The following CEP85 variants were observed in gnomAD, a reference collection of about 807,000 sequenced individuals.
CEP85 encodes centrosomal protein of 85 kDa.
Under a neutral mutation model 93.7 loss-of-function variants are expected in CEP85, and 58 were observed. The observed-to-expected ratio is 0.62, with a 90% CI of 0.50 to 0.77. The LOEUF (loss-of-function observed/expected upper bound fraction) is 0.77. Among genes scored for constraint, CEP85 ranks in the 30% least tolerant of loss-of-function variants. The probability of loss-of-function intolerance (pLI) is 0.00; values close to 1 mark genes in which losing one functional copy is unlikely to be tolerated. For missense variants in CEP85, 868 were observed against 922.0 expected, an observed-to-expected ratio of 0.94 and a Z score of 0.76; for synonymous variants, 314 against 338.6, an observed-to-expected ratio of 0.93 and a Z score of 0.80.
intron 2 of CEP85, among the ~76,000 whole-genome samples, chr1:26,241,154 GT>G (rs1340288401): frequency 1.3e-5 from 2 of 150,954 alleles, no homozygotes; most frequent in Non-Finnish European, 2.9e-5. Flanking sequence ...TTTGGTAAAT[GT>G]TTGGTGTATT....
intron 7 of CEP85, among the ~76,000 whole-genome samples, chr1:26,260,145 G>A (rs1478577867): frequency 6.6e-6 from 1 of 152,148 alleles, no homozygotes; most frequent in Non-Finnish European, 1.5e-5. Flanking sequence ...TACACCTGTG[G>A]TATATTTGTA....
At chr1:26,241,335 C>T (rs1419719710) in intron 2 of CEP85, among the ~76,000 whole-genome samples, 1 of 147,684 alleles carries the variant, frequency 6.8e-6, no homozygotes, top group African/African-American at 2.5e-5. Flanking sequence ...CTCCGCTTCC[C>T]GGGTTCATGC....
chr1:26,274,048 G>C (rs1197459983), intron 11 of CEP85, among the ~76,000 whole-genome samples: 4 of 150,490 alleles, frequency 2.7e-5, no homozygotes, highest in Admixed American at 2.0e-4. Flanking sequence ...AATACCAAAT[G>C]AGAAATATAA....
At chr1:26,264,648 A>G (rs1351001579) in intron 7 of CEP85, among the ~76,000 whole-genome samples, 1 of 152,208 alleles carries the variant, frequency 6.6e-6, no homozygotes, top group Non-Finnish European at 1.5e-5. Context: ...TCACTTGGGA[A>G]TGCTCAAATG....
chr1:26,249,386 A>G (rs190949454), intron 3 of CEP85, among the ~76,000 whole-genome samples: 65 of 152,326 alleles, frequency 4.3e-4, no homozygotes, highest in African/African-American at 1.4e-3. Context: ...CTGGCCTCTA[A>G]TCTTAACTCT....
chr1:26,256,923 GTTTTGGTGTGTGTGTGT>G (rs1467896357), intron 4 of CEP85, among the ~76,000 whole-genome samples: 1 of 130,050 alleles, frequency 7.7e-6, no homozygotes, highest in African/African-American at 2.8e-5. Flanking sequence ...GTTTTGTTTT[GTTTTGGTGTGTGTGTGT>G]GTGTGTGTGT....
Position 26,239,771 on chromosome 1 carries a change from A to G in CEP85, c.-13A>G, listed in dbSNP as rs763762889. The G allele has an allele frequency of 1.2e-6, 2 of 1,606,930 alleles. No individual in the cohort carries two copies. The highest frequency in any genetic ancestry group is 1.7e-5 in the Admixed American group (1 of 60,006). ...TTCCTTCATTCTACAGTTGGCTTAA[A>G]TAACTGTGATTGATGGCCATGCAGG... On this transcript the variant is annotated 5_prime_UTR_variant, in exon 2 of 14. Transcript: ENST00000451429.
At position 26,276,715 on chromosome 1, in the gene CEP85, G is replaced by A. The variant is rs2124618640; in HGVS notation, c.2083G>A (p.Ala695Thr). Residue 695 changes from alanine to threonine, a missense_variant, in exon 13 of 14, where the codon GCC becomes ACC. By Grantham distance (58) the Ala-to-Thr change is moderately conservative. Transcript: ENST00000451429. ...TGTCTGTAGCATTGTGACCCAGAGGGCCCAGGGCCATGACCCCAATCTCTC... is the reference window on the plus strand; with the variant it reads ...TGTCTGTAGCATTGTGACCCAGAGGACCCAGGGCCATGACCCCAATCTCTC... ...QAVCSIVTQR[A>T]QGHDPNLSLL... 2 of 1,614,140 alleles carry A rather than the reference G, an allele frequency of 1.2e-6. No individual in the cohort carries two copies. Among genetic ancestry groups the A allele is most frequent in the Non-Finnish European group, 8.5e-7 (1 of 1,180,010 alleles).
At chr1:26,241,244 A>ATTTTTTTTTTTTTTTT (rs71004567) in intron 2 of CEP85, among the ~76,000 whole-genome samples, 7 of 109,282 alleles carry the variant, frequency 6.4e-5, no homozygotes, top group South Asian at 2.7e-4. Context: ...ATTCAGCAGA[A>ATTTTTTTTTTTTTTTT]TTTTTTTTTT....
chr1:26,255,842 C>A lies in CEP85; in HGVS notation c.880C>A (p.Arg294Ser). The change falls in exon 4 of 14, where the codon CGT (arginine) becomes AGT (serine). Residue 294 changes from arginine (R) to serine (S), a missense_variant. Transcript: ENST00000451429. ...TTGTCGGCAGCAGCTGGAATTGATT[C>A]GTTTACAGATGGAGCAAATGCAGGT... ...STCRQQLELI[R>S]LQMEQMQLQN... 6.2e-7 allele frequency: 1 copy of A among 1,610,710 alleles called. No individual in the cohort carries two copies. Among genetic ancestry groups the A allele is most frequent in the South Asian group, 1.1e-5 (1 of 90,832 alleles).
In CEP85 at chr1:26,247,210, G is replaced by A. The variant is rs577954240; in HGVS notation, c.208+2892G>A. The stretch of plus-strand genomic sequence containing the variant: ...GTTTTCTAGGGCTTCGGAAGCTGGT[G>A]GAAACAGCATGACTGCCAAAGGGTA... On this transcript the variant is annotated intron_variant, in intron 3 of 13. Coordinates refer to ENST00000451429, the MANE Select transcript of CEP85 (RefSeq NM_001319944.2). 2.6e-5 allele frequency among the ~76,000 whole-genome samples: 4 copies of A among 152,294 alleles called. No homozygotes were observed. The East Asian group carries it at 7.7e-4, about 29-fold the overall frequency.
intron 8 of CEP85, 138 bp downstream of exon 8, chr1:26,268,773 T>C (rs550322561): frequency 7.7e-6 from 7 of 911,596 alleles, no homozygotes; most frequent in African/African-American, 3.4e-5. Context: ...AGATTCATAA[T>C]TGTCAGATTT....
intron 1 of CEP85, among the ~76,000 whole-genome samples, chr1:26,235,567 C>CTTTTTTTTTTTT (rs1192252673): frequency 0.012 from 1,109 of 95,506 alleles, 83 homozygotes; most frequent in Non-Finnish European, 0.014. Context: ...GATTGTAATT[C>CTTTTTTTTTTTT]TTTTTTTTTT....
chr1:26,275,563 G>A (rs2090042391), intron 12 of CEP85, among the ~76,000 whole-genome samples: 1 of 152,238 alleles, frequency 6.6e-6, no homozygotes. Context: ...ACAGTCGTGA[G>A]CCACTGCGCT....
chr1:26,259,888 A>G, intron 7 of CEP85, 86 bp downstream of exon 7: 1 of 1,109,586 alleles, frequency 9.0e-7, no homozygotes, highest in Non-Finnish European at 1.3e-6. Flanking sequence ...TCTGGCCTGG[A>G]ACTAAGAGGA....
chr1:26,271,990 C>G, intron 10 of CEP85, 31 bp from the exon 11 acceptor site: 1 of 1,612,140 alleles, frequency 6.2e-7, no homozygotes, highest in Non-Finnish European at 8.5e-7. Flanking sequence ...GCCTTGTGCT[C>G]GCAGCCTTCC....
Position 26,259,858 on chromosome 1 carries a change from A to G in CEP85, c.1341+56A>G. 4 of 1,446,942 alleles carry G rather than the reference A, an allele frequency of 2.8e-6. No homozygotes were observed. The Admixed American group carries it at 6.5e-5, about 23-fold the overall frequency. 89.6% of individuals were successfully genotyped at this position (1,446,942 alleles called of 1,614,324 possible). ...CAAAGGAGTTGGCAGTCAGCTGTCT[A>G]CTCTAAAGCCTAAGCTGTTTCTGGC... On this transcript the variant is annotated intron_variant, in intron 7 of 13. Transcript: ENST00000451429.
chr1:26,234,495 C>T (rs573259075), intron 1 of CEP85, among the ~76,000 whole-genome samples, 185 bp downstream of exon 1: 1 of 152,350 alleles, frequency 6.6e-6, no homozygotes, highest in African/African-American at 2.4e-5. Flanking sequence ...ATTCCCCTCG[C>T]TTCCCCCGTT....
In CEP85 at chr1:26,250,924, T is replaced by C. The variant is rs867349573; in HGVS notation, c.209-4247T>C. On this transcript the variant is annotated intron_variant, in intron 3 of 13. Transcript: ENST00000451429. ...GTGAGCCAAGCTTGCCTTTTTTTTT[T>C]CTTTTTTCTTTTTTTTTTTTTTTTT... Among the ~76,000 whole-genome samples, 3 of 19,642 alleles carry C rather than the reference T, an allele frequency of 1.5e-4. 1 individual carries two copies. Among genetic ancestry groups the C allele is most frequent in the Non-Finnish European group, 1.4e-4 (1 of 7,220 alleles). 12.9% of individuals were successfully genotyped at this position (19,642 alleles called of 152,430 possible).
Sources: gnomAD v4.1 joint callset for allele counts (sites outside exome capture counted in the v4.1 genomes callset) on GRCh38, gnomAD v4.1.1 for gene constraint, MANE v1.5 for transcripts, NCBI Gene and HGNC (gene_info 2026-07-23, HGNC 2026-07-21) for gene names.